The following SEC14L6 variants were observed in gnomAD, a reference collection of about 807,000 sequenced individuals.
SEC14L6 encodes the protein SEC14-like protein 6.
In SEC14L6, 40 loss-of-function variants were observed where a neutral mutation model predicts 54.1. The observed-to-expected ratio is 0.74, with a 90% CI of 0.57 to 0.96. The LOEUF (loss-of-function observed/expected upper bound fraction) is 0.96, where lower values mean the gene tolerates loss of function less well. SEC14L6 is among the 40% of genes least tolerant of loss of function. The probability of loss-of-function intolerance (pLI) is 0.00; values close to 1 mark genes in which losing one functional copy is unlikely to be tolerated. For synonymous variants in SEC14L6, 171 were observed against 198.4 expected (o/e 0.86, Z 1.16); for missense variants, 471 against 498.3 (o/e 0.95, Z 0.52).
intron 8 of SEC14L6, among the ~76,000 whole-genome samples, chr22:30,528,223 A>G (rs1936844012): frequency 6.6e-6 from 1 of 150,566 alleles, no homozygotes; most frequent in South Asian, 2.1e-4. Context: ...CCCGGGTTCA[A>G]GCAGTTCCCT....
rs182764828 is a variant in SEC14L6, at chr22:30,546,555, G to A, written c.54+74C>T. ...CTGGAGAGTTCAGAAGAAACTCAGGGACCTTGAGTCCTGCCCTTCCCCGTG... is the reference window on the plus strand; with the variant it reads ...CTGGAGAGTTCAGAAGAAACTCAGGAACCTTGAGTCCTGCCCTTCCCCGTG... On this transcript the variant is annotated intron_variant, in intron 1 of 11. Coordinates refer to ENST00000402034, the MANE Select transcript of SEC14L6 (RefSeq NM_001193336.4). 1,810 of 1,385,226 alleles carry A rather than the reference G, an allele frequency of 1.3e-3. 15 individuals are homozygous for A. In the African/African-American group the frequency reaches 0.023, roughly 18 times the overall value. The allele number at this position is 1,385,226 out of a possible 1,614,324, so 85.8% of individuals were successfully genotyped here. A position where few individuals can be genotyped will look rare whatever the true frequency, so the allele number is the denominator to read the frequency against.
rs764210287 is a variant in SEC14L6 at position 30,525,898 on chromosome 22, G to C, written c.699C>G (p.Ser233Arg). 1.2e-6 allele frequency: 2 copies of C among 1,612,934 alleles called. No homozygotes were observed. Among genetic ancestry groups the C allele is most frequent in the South Asian group, 2.2e-5 (2 of 90,836 alleles). The change falls in exon 9 of 12, where the codon AGC (serine) becomes AGG (arginine). Residue 233 changes from serine to arginine, a missense_variant. Ser to Arg is a moderately radical substitution (Grantham distance 110). Coordinates refer to ENST00000402034, the MANE Select transcript of SEC14L6 (RefSeq NM_001193336.4). ...CAAACTCCACGGGCAGCTGGTCGGG[G>C]CTGATGAATTTTGTCAGCTCCTGCT... ...NWKQELTKFI[S>R]PDQLPVEFGG...
intron 6 of SEC14L6, among the ~76,000 whole-genome samples, chr22:30,529,706 G>A (rs1936906027): frequency 6.6e-6 from 1 of 152,100 alleles, no homozygotes; most frequent in African/African-American, 2.4e-5. Flanking sequence ...AGCCTCCCAA[G>A]GTGCTGGGAT....
Position 30,529,333 on chromosome 22 carries a change from T to G in SEC14L6, c.536A>C (p.Glu179Ala). The G allele has an allele frequency of 6.4e-7, 1 of 1,550,542 alleles. No individual in the cohort carries two copies. Among genetic ancestry groups the G allele is most frequent in the Non-Finnish European group, 8.7e-7 (1 of 1,146,940 alleles). ...CTTCAAGATCTCAGGGTAATTTGCT[T>G]CAAGTGCTGAGAAAAACTGCGGAAC... is the stretch of plus-strand genomic sequence containing the variant. ...ELLQEFFSAL[E>A]ANYPEILKSL... Residue 179 changes from glutamate (E) to alanine (A), a missense_variant, in exon 7 of 12, where the codon GAA becomes GCA. Physicochemically the swap from Glu to Ala is moderately radical, Grantham distance 107. Transcript: ENST00000402034.
intron 1 of SEC14L6, among the ~76,000 whole-genome samples, chr22:30,545,397 CA>C (rs951034428): frequency 2.1e-4 from 32 of 151,276 alleles, no homozygotes; most frequent in African/African-American, 7.6e-4. Flanking sequence ...TCAAAACACT[CA>C]TTTTTTTTTT....
chr22:30,534,092 C>T (rs916124783), intron 2 of SEC14L6, 53 bp from the exon 3 acceptor site: 1 of 1,522,386 alleles, frequency 6.6e-7, no homozygotes, highest in African/African-American at 1.4e-5. Flanking sequence ...TCACTCCAGG[C>T]TTCTGGAGAG....
At chr22:30,545,808 T>A (rs894147796) in intron 1 of SEC14L6, among the ~76,000 whole-genome samples, 1 of 150,912 alleles carries the variant, frequency 6.6e-6, no homozygotes, top group Non-Finnish European at 1.5e-5. Context: ...TTAGGTTTTT[T>A]TTGTTTTGTT....
chr22:30,545,057 C>T (rs781428942), intron 1 of SEC14L6, among the ~76,000 whole-genome samples: 18 of 152,098 alleles, frequency 1.2e-4, no homozygotes, highest in African/African-American at 3.6e-4. Flanking sequence ...TGGCAGGAAT[C>T]GAGACCTCCA....
In SEC14L6 at chr22:30,532,853, T is replaced by C; in HGVS notation, c.178A>G (p.Met60Val). Reference protein sequence around the residue: ...QKSEDMLRKHMEFRKQQDLAN... With the variant: ...QKSEDMLRKHVEFRKQQDLAN... Reference sequence around the variant, plus strand: ...AGGTCTTGTTGCTTCCGGAACTCCATATGCTGCAGAGACACGGCAGGAGGT... The same window carrying C: ...AGGTCTTGTTGCTTCCGGAACTCCACATGCTGCAGAGACACGGCAGGAGGT... The change falls in exon 4 of 12, where the codon ATG becomes GTG. Residue 60 changes from methionine (M) to valine (V), a missense_variant. Met to Val is a conservative substitution (Grantham distance 21). Transcript: ENST00000402034. The C allele has an allele frequency of 6.2e-7, 1 of 1,613,474 alleles. No homozygotes were observed. The highest frequency in any genetic ancestry group is 8.5e-7 in the Non-Finnish European group (1 of 1,179,836).
Position 30,538,829 on chromosome 22 carries a change from TG to T in SEC14L6, c.127del (p.Gln43LysfsTer14). On this transcript the variant is annotated frameshift_variant, in exon 2 of 12. Transcript: ENST00000402034. LOFTEE classifies it high-confidence loss of function. ...PDDYFLLRWL[Q>X]ARSFDLQKSE... ...CCAGCCCCACGCTCTATCCTTACCT[TG>T]GAGCCAGCGCAGGAGGAAGTAGTCA... The T allele has an allele frequency of 6.4e-7, 1 of 1,555,622 alleles. No individual in the cohort carries two copies. Among genetic ancestry groups the T allele is most frequent in the Non-Finnish European group, 8.7e-7 (1 of 1,148,570 alleles).
chr22:30,527,986 A>G (rs1936832565), intron 8 of SEC14L6, among the ~76,000 whole-genome samples: 1 of 151,980 alleles, frequency 6.6e-6, no homozygotes, highest in Non-Finnish European at 1.5e-5. Context: ...TTTTTGGAAA[A>G]TATATTTCTC....
chr22:30,540,355 T>G (rs2085677158), intron 1 of SEC14L6, among the ~76,000 whole-genome samples: 1 of 146,960 alleles, frequency 6.8e-6, no homozygotes. Flanking sequence ...ACACTGCCCC[T>G]CCTTTTTGTT....
At position 30,546,733 on chromosome 22, in the gene SEC14L6, C is replaced by T. The variant is rs1251288659; in HGVS notation, c.-51G>A. On this transcript the variant is annotated 5_prime_UTR_variant, in exon 1 of 12. Transcript: ENST00000402034. ...CACTCTGTGGCTCCCTCCAGGTGGC[C>T]TGCCTTTTGCCAGCTGGTAGCCATG... The T allele has an allele frequency of 2.7e-6, 4 of 1,473,078 alleles. No homozygotes were observed. Among genetic ancestry groups the T allele is most frequent in the Admixed American group, 4.1e-5 (2 of 48,746 alleles). 91.3% of individuals were successfully genotyped at this position (1,473,078 alleles called of 1,614,324 possible).
intron 1 of SEC14L6, among the ~76,000 whole-genome samples, chr22:30,544,482 C>G (rs2085778343): frequency 6.6e-6 from 1 of 152,200 alleles, no homozygotes; most frequent in Admixed American, 6.5e-5. Context: ...ACCTCCACCA[C>G]CACCACCACC....
chr22:30,533,185 C>T (rs1937040115), intron 3 of SEC14L6: 1 of 952,592 alleles, frequency 1.0e-6, no homozygotes, highest in South Asian at 5.0e-5. Flanking sequence ...TTCCAGTTGC[C>T]CTTAAGCAAA....
At chr22:30,534,721 C>G (rs1467872632) in intron 2 of SEC14L6, among the ~76,000 whole-genome samples, 1 of 151,996 alleles carries the variant, frequency 6.6e-6, no homozygotes, top group Non-Finnish European at 1.5e-5. Context: ...CCTTAATACT[C>G]TTTAAAAAAA....
At position 30,546,610 on chromosome 22, in the gene SEC14L6, A is replaced by C. The variant is rs1330696468; in HGVS notation, c.54+19T>G. On this transcript the variant is annotated intron_variant, in intron 1 of 11. Transcript: ENST00000402034. ...AAGGAGAAACTGAGGCTGGTGTAGGAGTCTCTCCCTTCACTCACCTGGGCC... is the reference window on the plus strand; with the variant it reads ...AAGGAGAAACTGAGGCTGGTGTAGGCGTCTCTCCCTTCACTCACCTGGGCC... 1.2e-5 allele frequency: 19 copies of C among 1,548,494 alleles called. No homozygotes were observed. The East Asian group carries it at 2.7e-4, about 22-fold the overall frequency.
chr22:30,539,442 C>G (rs5753193), intron 1 of SEC14L6, among the ~76,000 whole-genome samples: 113,479 of 152,078 alleles, frequency 0.75, 42,601 homozygotes, highest in Middle Eastern at 0.81. Flanking sequence ...CACAGAGAAG[C>G]TTTACAAGCC....
intron 1 of SEC14L6, among the ~76,000 whole-genome samples, chr22:30,546,075 A>T (rs149601325): frequency 0.018 from 2,731 of 149,042 alleles, 51 homozygotes; most frequent in Middle Eastern, 0.048. Flanking sequence ...TAGTTCTTTA[A>T]TGGAGCTACT....
Sources: gnomAD v4.1 joint callset for allele counts (sites outside exome capture counted in the v4.1 genomes callset) on GRCh38, gnomAD v4.1.1 for gene constraint, MANE v1.5 for transcripts, NCBI Gene and HGNC (gene_info 2026-07-23, HGNC 2026-07-21) for gene names.